AGPAT3: variants seen among roughly 807,000 people sequenced by gnomAD.
AGPAT3 encodes the protein 1-acylglycerol-3-phosphate O-acyltransferase 3, also known as 1-acyl-sn-glycerol-3-phosphate acyltransferase gamma.
In AGPAT3, 5 loss-of-function variants were observed where a neutral mutation model predicts 47.3. The observed-to-expected ratio is 0.11, with a 90% CI of 0.06 to 0.22. AGPAT3 has a LOEUF of 0.22. Among genes scored for constraint, AGPAT3 ranks in the 10% least tolerant of loss-of-function variants. The pLI is 1.00. For missense variants in AGPAT3, 315 were observed against 493.0 expected, an observed-to-expected ratio of 0.64 and a Z score of 3.42; for synonymous variants, 212 against 208.3, an observed-to-expected ratio of 1.02 and a Z score of -0.15.
At chr21:43,871,590 G>C (rs1032534409) in intron 1 of AGPAT3, among the ~76,000 whole-genome samples, 1 of 152,206 alleles carries the variant, frequency 6.6e-6, no homozygotes, top group Non-Finnish European at 1.5e-5. Context: ...TCGCAAAGCT[G>C]GTAGATGCAA....
rs1402041455 is a variant in AGPAT3 at position 43,982,605 on chromosome 21, GCGCGCC to G, written c.*216_*221del. On this transcript the variant is annotated 3_prime_UTR_variant, in exon 10 of 10. Transcript: ENST00000291572. The surrounding 1 kb of genome is among the most constrained non-coding windows in gnomAD (Gnocchi z 6.2). ...CAGCGCAGGGTCCCAGCATCTCCAC[GCGCGCC>G]CGTGGGAGGTGGGTCCGGCCGGAGA... 4 of 415,216 alleles carry G rather than the reference GCGCGCC, an allele frequency of 9.6e-6. No homozygotes were observed. Among genetic ancestry groups the G allele is most frequent in the Non-Finnish European group, 1.7e-5 (4 of 232,054 alleles). The allele number at this position is 415,216 out of a possible 1,614,324, so 25.7% of individuals were successfully genotyped here.
chr21:43,893,395 C>T (rs377436992), intron 1 of AGPAT3, among the ~76,000 whole-genome samples: 19 of 152,346 alleles, frequency 1.2e-4, no homozygotes, highest in East Asian at 7.7e-4. Context: ...ATCTTCTCTC[C>T]GGACCACTCG....
At chr21:43,878,139 A>G (rs1295950014) in intron 1 of AGPAT3, among the ~76,000 whole-genome samples, 1 of 151,024 alleles carries the variant, frequency 6.6e-6, no homozygotes, top group Middle Eastern at 3.4e-3. Flanking sequence ...TGCTGATGTC[A>G]GTGTCCCCCG....
intron 1 of AGPAT3, among the ~76,000 whole-genome samples, chr21:43,885,495 TCTC>T (rs2085956234): frequency 6.6e-6 from 1 of 151,898 alleles, no homozygotes; most frequent in South Asian, 2.1e-4. Context: ...TTCAAGCAAT[TCTC>T]CTGTCTCAGC....
rs2087203526 is a variant in AGPAT3 at position 43,930,435 on chromosome 21, AG to A, written c.-49+26419del. 6.6e-6 allele frequency among the ~76,000 whole-genome samples: 1 copy of A among 152,188 alleles called. No homozygotes were observed. The highest frequency in any genetic ancestry group is 2.1e-4 in the South Asian group (1 of 4,834). ...AGCACCTGCCACTGAGTGTGACCTC[AG>A]GGTTGCCCGTGCGACCTCAGCGTGG... On this transcript the variant is annotated intron_variant, in intron 2 of 9. Coordinates refer to ENST00000291572, the MANE Select transcript of AGPAT3 (RefSeq NM_020132.5). The surrounding 1 kb of genome is among the most constrained non-coding windows in gnomAD (Gnocchi z 5.0).
chr21:43,906,152 C>G (rs2086488352), intron 2 of AGPAT3, among the ~76,000 whole-genome samples: 1 of 152,164 alleles, frequency 6.6e-6, no homozygotes, highest in South Asian at 2.1e-4. Flanking sequence ...AACATTGTGT[C>G]TTTTGGGGCT....
intron 2 of AGPAT3, among the ~76,000 whole-genome samples, chr21:43,936,227 C>A (rs2087442040): frequency 6.6e-6 from 1 of 152,246 alleles, no homozygotes; most frequent in African/African-American, 2.4e-5. Context: ...GAGGGGAGGA[C>A]AATGCAGCCC....
rs1372084623 is a variant in AGPAT3, at chr21:43,981,400, C to T, written c.1042+213C>T. The T allele has an allele frequency of 8.4e-6, 5 of 597,786 alleles. No homozygotes were observed. The highest frequency in any genetic ancestry group is 1.2e-5 in the Non-Finnish European group (4 of 339,332). 37.0% of individuals were successfully genotyped at this position (597,786 alleles called of 1,614,324 possible). A position where few individuals can be genotyped will look rare whatever the true frequency, so the allele number is the denominator to read the frequency against. ...TCGCCTCCCCAGAGAGCCGAACGGC[C>T]GCCACCTGGCGCCATCCCCACTGCA... On this transcript the variant is annotated intron_variant, in intron 9 of 9. Coordinates refer to ENST00000291572, the MANE Select transcript of AGPAT3 (RefSeq NM_020132.5). This position sits in a 1 kb window ranked among gnomAD's most constrained non-coding sequence, Gnocchi z 5.3.
intron 2 of AGPAT3, among the ~76,000 whole-genome samples, chr21:43,929,522 G>A (rs1167102592): frequency 1.3e-5 from 2 of 152,242 alleles, no homozygotes; most frequent in African/African-American, 4.8e-5. Flanking sequence ...AAGGGCAAGT[G>A]GGATTGGCAC....
chr21:43,868,030 ATCGTTC>A (rs1435584298), intron 1 of AGPAT3, among the ~76,000 whole-genome samples: 1 of 152,238 alleles, frequency 6.6e-6, no homozygotes, highest in African/African-American at 2.4e-5. Context: ...AAGTGCATTA[ATCGTTC>A]ACCTTCTGAC....
intron 1 of AGPAT3, among the ~76,000 whole-genome samples, chr21:43,902,739 C>G (rs181006113): frequency 1.3e-5 from 2 of 152,206 alleles, no homozygotes; most frequent in African/African-American, 2.4e-5. Flanking sequence ...TGACTCATAC[C>G]TCTAGTTCCA....
intron 2 of AGPAT3, among the ~76,000 whole-genome samples, chr21:43,940,280 C>T (rs952096922): frequency 1.3e-5 from 2 of 152,278 alleles, no homozygotes; most frequent in Non-Finnish European, 2.9e-5. Context: ...TGCCTCTTCT[C>T]AGGGATCTGT....
At chr21:43,947,733 TC>T (rs1454356082) in intron 2 of AGPAT3, among the ~76,000 whole-genome samples, 2 of 150,384 alleles carry the variant, frequency 1.3e-5, no homozygotes, top group Non-Finnish European at 3.0e-5. Context: ...AAAAACTGCC[TC>T]CCGGGTTCAA....
intron 1 of AGPAT3, among the ~76,000 whole-genome samples, chr21:43,866,121 T>TTG (rs2085499828): frequency 4.9e-5 from 3 of 60,846 alleles, no homozygotes; most frequent in East Asian, 1.0e-3. Flanking sequence ...TGGTGCAGTG[T>TTG]TTTTTTTTTT....
chr21:43,917,003 C>G (rs1278649195), intron 2 of AGPAT3, among the ~76,000 whole-genome samples: 1 of 152,168 alleles, frequency 6.6e-6, no homozygotes, highest in Non-Finnish European at 1.5e-5. Flanking sequence ...TCTCTAGGAA[C>G]AGTGACGGTG....
intron 2 of AGPAT3, chr21:43,919,815 G>A (rs1439023853): frequency 3.3e-5 from 5 of 152,264 alleles, no homozygotes; most frequent in Non-Finnish European, 5.9e-5. Context: ...AATGCTTCAC[G>A]AATTTGCATG....
chr21:43,941,698 G>A (rs964665304), intron 2 of AGPAT3, among the ~76,000 whole-genome samples: 4 of 152,370 alleles, frequency 2.6e-5, no homozygotes, highest in South Asian at 4.1e-4. Flanking sequence ...TGGGGCTACC[G>A]CGAGTGTGAC....
intron 2 of AGPAT3, among the ~76,000 whole-genome samples, chr21:43,938,812 G>A (rs1168319882): frequency 2.0e-5 from 3 of 152,170 alleles, no homozygotes; most frequent in East Asian, 3.8e-4. Flanking sequence ...GTGGCTTAGC[G>A]GGCGATTCTG....
chr21:43,895,665 G>A (rs948030751), intron 1 of AGPAT3, among the ~76,000 whole-genome samples: 1 of 152,122 alleles, frequency 6.6e-6, no homozygotes, highest in African/African-American at 2.4e-5. Context: ...TTGGCTCGCT[G>A]CAACCTCCAC....
Sources: allele counts gnomAD v4.1 joint callset (sites outside exome capture counted in the v4.1 genomes callset), GRCh38; gene constraint gnomAD v4.1.1; non-coding constraint Gnocchi (gnomAD v3.1); transcripts MANE v1.5; gene names NCBI Gene and HGNC (gene_info 2026-07-23, HGNC 2026-07-21).